Variants in ARHGEF10L observed in about 807,000 individuals in gnomAD.
The protein encoded by ARHGEF10L is rho guanine nucleotide exchange factor 10-like protein.
In ARHGEF10L, 69 loss-of-function variants were observed where a neutral mutation model predicts 141.2. The ratio of observed to expected loss-of-function variants is 0.49; its 90% CI spans 0.40 to 0.60. The LOEUF (loss-of-function observed/expected upper bound fraction) is 0.60. Among genes scored for constraint, ARHGEF10L ranks in the 20% least tolerant of loss-of-function variants. The pLI is 0.00. For missense variants in ARHGEF10L, 1,482 were observed against 1,734.3 expected (o/e 0.85, Z 2.58); for synonymous variants, 711 against 718.5 (o/e 0.99, Z 0.17).
intron 9 of ARHGEF10L, chr1:17,618,274 A>AACCCCC: frequency 7.1e-7 from 1 of 1,406,422 alleles, no homozygotes; most frequent in Non-Finnish European, 9.4e-7. Flanking sequence ...CCCGCCCACA[A>AACCCCC]GCCCAGCGCC....
At chr1:17,517,084 G>A in the ARHGEF10L span, among the ~76,000 whole-genome samples, 1 of 152,204 alleles carries the variant, frequency 6.6e-6, no homozygotes, top group Non-Finnish European at 1.5e-5. Flanking sequence ...AACCAGGCAT[G>A]TGTTTACTCT....
chr1:17,542,168 A>T (rs1416874670), intron 1 of ARHGEF10L, among the ~76,000 whole-genome samples: 2 of 151,482 alleles, frequency 1.3e-5, no homozygotes, highest in African/African-American at 4.8e-5. Context: ...AAAGAAGAAG[A>T]TTGAGCATGG....
In ARHGEF10L at chr1:17,619,241, G is replaced by T. The variant is rs1195470300; in HGVS notation, c.836-98G>T. On this transcript the variant is annotated intron_variant, in intron 9 of 28. Coordinates refer to ENST00000361221, the MANE Select transcript of ARHGEF10L (RefSeq NM_018125.4). This position sits in a 1 kb window ranked among gnomAD's most constrained non-coding sequence, Gnocchi z 5.0. ...GGAGCTGCTTGCACCCTAGGACCTG[G>T]GTCCAAGGCTGGTCTAGGGGGGCTC... The T allele has an allele frequency of 1.7e-6, 2 of 1,210,166 alleles. No homozygotes were observed. The allele number at this position is 1,210,166 out of a possible 1,614,324, so 75.0% of individuals were successfully genotyped here.
chr1:17,611,351 A>T (rs1158285773), intron 7 of ARHGEF10L, among the ~76,000 whole-genome samples: 1 of 152,206 alleles, frequency 6.6e-6, no homozygotes, highest in Non-Finnish European at 1.5e-5. Flanking sequence ...GCATAACAAT[A>T]TTGAACATTT....
intron 26 of ARHGEF10L, 121 bp downstream of exon 26, chr1:17,664,716 G>A: frequency 7.8e-7 from 1 of 1,288,262 alleles, no homozygotes; most frequent in Non-Finnish European, 1.0e-6. Flanking sequence ...CGATTGGGCA[G>A]AGTTTGTCCG....
intron 1 of ARHGEF10L, among the ~76,000 whole-genome samples, chr1:17,560,393 G>A (rs1245795078): frequency 6.6e-6 from 1 of 152,188 alleles, no homozygotes; most frequent in Non-Finnish European, 1.5e-5. Context: ...ATGTGTATCA[G>A]AGGCACCTGA....
Position 17,656,420 on chromosome 1 carries a change from CCTGG to C in ARHGEF10L, c.2706-132_2706-129del. On this transcript the variant is annotated intron_variant, in intron 24 of 28. Coordinates refer to ENST00000361221, the MANE Select transcript of ARHGEF10L (RefSeq NM_018125.4). The surrounding 1 kb of genome is among the most constrained non-coding windows in gnomAD (Gnocchi z 4.9). Reference sequence around the variant, plus strand: ...GAGCTCCCGCATGGTGGAGCTATGGCCTGGCCACACAGCCGAAAGGCGTGGCTGA... The same window carrying C: ...GAGCTCCCGCATGGTGGAGCTATGGCCCACACAGCCGAAAGGCGTGGCTGA... The C allele has an allele frequency of 8.9e-7, 1 of 1,128,092 alleles. No homozygotes were observed. The allele number at this position is 1,128,092 out of a possible 1,614,324, so 69.9% of individuals were successfully genotyped here.
intron 26 of ARHGEF10L, among the ~76,000 whole-genome samples, chr1:17,674,194 C>T (rs567734190): frequency 5.7e-4 from 86 of 152,188 alleles, no homozygotes; most frequent in Non-Finnish European, 8.5e-4. Flanking sequence ...TTTTTTCCCA[C>T]GCCAGCTCTT....
chr1:17,637,530 G>C (rs934314416), intron 18 of ARHGEF10L, among the ~76,000 whole-genome samples: 1 of 151,436 alleles, frequency 6.6e-6, no homozygotes, highest in Non-Finnish European at 1.5e-5. Flanking sequence ...TTGGAGTCTT[G>C]CTCTGTCACC....
chr1:17,692,344 G>A (rs780378180), intron 27 of ARHGEF10L, among the ~76,000 whole-genome samples: 2 of 151,942 alleles, frequency 1.3e-5, no homozygotes, highest in East Asian at 1.9e-4. Flanking sequence ...GAATCCCACC[G>A]CCTGCTTGAT....
At chr1:17,663,493 G>C (rs1011593774) in intron 25 of ARHGEF10L, among the ~76,000 whole-genome samples, 1 of 151,506 alleles carries the variant, frequency 6.6e-6, no homozygotes, top group Non-Finnish European at 1.5e-5. Context: ...GGCAGAGGTT[G>C]CAGTGAGCCA....
intron 22 of ARHGEF10L, among the ~76,000 whole-genome samples, chr1:17,652,320 C>T (rs976580307): frequency 3.3e-5 from 5 of 152,142 alleles, no homozygotes; most frequent in African/African-American, 1.2e-4. Context: ...CCTTCTGACT[C>T]AAGGGAATCA....
chr1:17,697,325 C>T lies in ARHGEF10L; in HGVS notation c.3785C>T (p.Pro1262Leu), dbSNP rs1472326688. The T allele has an allele frequency of 1.1e-5, 17 of 1,611,714 alleles. No homozygotes were observed. The highest frequency in any genetic ancestry group is 8.9e-5 in the East Asian group (4 of 44,822). Residue 1262 changes from proline (P) to leucine (L), a missense_variant, in exon 29 of 29, where the codon CCG becomes CTG. Physicochemically the swap from Pro to Leu is moderately conservative, Grantham distance 98. Coordinates refer to ENST00000361221, the MANE Select transcript of ARHGEF10L (RefSeq NM_018125.4). The surrounding 1 kb of genome is among the most constrained non-coding windows in gnomAD (Gnocchi z 4.8). ...SALGSSGRQA[P>L]CGETDSTLLI... ...CTGGGCAGCAGTGGGAGGCAGGCCC[C>T]GTGTGGGGAGACGGACAGCACCCTC...
At chr1:17,561,711 C>T (rs2100837441) in intron 1 of ARHGEF10L, among the ~76,000 whole-genome samples, 1 of 152,366 alleles carries the variant, frequency 6.6e-6, no homozygotes, top group East Asian at 1.9e-4. Context: ...AAGGAATATT[C>T]TGGGGCACAT....
chr1:17,677,997 G>T (rs562676656), intron 26 of ARHGEF10L, among the ~76,000 whole-genome samples: 2 of 152,302 alleles, frequency 1.3e-5, no homozygotes, highest in East Asian at 3.9e-4. Flanking sequence ...CATGGGGGCT[G>T]CGGGTGAGCT....
intron 27 of ARHGEF10L, among the ~76,000 whole-genome samples, chr1:17,689,211 G>A (rs1384121611): frequency 2.6e-5 from 4 of 152,024 alleles, no homozygotes. Flanking sequence ...CTTGAGGCCT[G>A]GCTTGGCCAA....
At position 17,609,460 on chromosome 1, in the gene ARHGEF10L, C is replaced by G. The variant is rs369175424; in HGVS notation, c.609+1483C>G. ...CTAGTCCATATCTTCAGTTGTGGGACGGGATACATTGGAACAGGAAGACCT... is the reference window on the plus strand; with the variant it reads ...CTAGTCCATATCTTCAGTTGTGGGAGGGGATACATTGGAACAGGAAGACCT... On this transcript the variant is annotated intron_variant, in intron 7 of 28. Transcript: ENST00000361221. Among the ~76,000 whole-genome samples, 185 of 152,250 alleles carry G rather than the reference C, an allele frequency of 1.2e-3. 7 individuals carry two copies. In the South Asian group the frequency reaches 0.035, roughly 29 times the overall value.
chr1:17,571,531 T>G (rs2078000136), intron 1 of ARHGEF10L, among the ~76,000 whole-genome samples: 1 of 152,076 alleles, frequency 6.6e-6, no homozygotes, highest in Non-Finnish European at 1.5e-5. Context: ...TATTTATTCA[T>G]TTATTTATTA....
chr1:17,617,743 G>A (rs1373891202), intron 9 of ARHGEF10L, among the ~76,000 whole-genome samples: 2 of 152,182 alleles, frequency 1.3e-5, no homozygotes, highest in Non-Finnish European at 2.9e-5. Context: ...CATCCGTACA[G>A]TGGGGTGGCT....
Sources: allele counts gnomAD v4.1 joint callset (sites outside exome capture counted in the v4.1 genomes callset), GRCh38; gene constraint gnomAD v4.1.1; non-coding constraint Gnocchi (gnomAD v3.1); transcripts MANE v1.5; gene names NCBI Gene and HGNC (gene_info 2026-07-23, HGNC 2026-07-21).